HEATR4: variants seen among roughly 807,000 people sequenced by gnomAD.
HEATR4 encodes HEAT repeat containing 4, also known as HEAT repeat-containing protein 4.
HEATR4 carries 95 observed loss-of-function variants against 108.8 expected under a neutral mutation model. That is an observed-to-expected ratio of 0.87 (90% CI 0.74 to 1.04). HEATR4 has a LOEUF of 1.04. Among genes scored for constraint, HEATR4 ranks in the 50% least tolerant of loss-of-function variants. The pLI is 0.00. For synonymous variants in HEATR4, 443 were observed against 459.4 expected, an observed-to-expected ratio of 0.96 and a Z score of 0.46; for missense variants, 1,152 against 1,253.8, an observed-to-expected ratio of 0.92 and a Z score of 1.23.
the HEATR4 span, chr14:73,595,729 T>G: frequency 8.3e-6 from 12 of 1,449,228 alleles, no homozygotes; most frequent in Non-Finnish European, 1.1e-5. Flanking sequence ...GAATCAGATG[T>G]CTCCTGGATA....
the HEATR4 span, among the ~76,000 whole-genome samples, chr14:73,583,915 G>A: frequency 4.6e-5 from 7 of 151,860 alleles, no homozygotes; most frequent in South Asian, 4.2e-4. Context: ...CAGGAGAATC[G>A]CTCGAACCCC....
At chr14:73,485,888 A>G (rs1356281497) in intron 17 of HEATR4, among the ~76,000 whole-genome samples, 1 of 150,016 alleles carries the variant, frequency 6.7e-6, no homozygotes, top group African/African-American at 2.4e-5. Context: ...AAAAATGCTG[A>G]TTTTTCATAG....
intron 11 of HEATR4, among the ~76,000 whole-genome samples, chr14:73,502,292 A>G (rs1022252192): frequency 2.0e-5 from 3 of 151,784 alleles, no homozygotes; most frequent in Non-Finnish European, 4.4e-5. Context: ...GGTATATGCC[A>G]TTTGTTCTAG....
At position 73,547,009 on chromosome 14, in the gene HEATR4, C is replaced by G. The variant is rs1226011606; in HGVS notation, c.-152+11742G>C. 3.8e-5 allele frequency among the ~76,000 whole-genome samples: 4 copies of G among 104,988 alleles called. 2 individuals carry two copies. Among genetic ancestry groups the G allele is most frequent in the Admixed American group, 2.4e-4 (2 of 8,488 alleles). 68.9% of individuals were successfully genotyped at this position (104,988 alleles called of 152,430 possible). A position where few individuals can be genotyped will look rare whatever the true frequency, so the allele number is the denominator to read the frequency against. ...GGCTGAGACAGGAGAATAGCTTGAACAAGGAGGCGGAGGTTACAGTGAGCC... is the reference window on the plus strand; with the variant it reads ...GGCTGAGACAGGAGAATAGCTTGAAGAAGGAGGCGGAGGTTACAGTGAGCC... On this transcript the variant is annotated intron_variant, in intron 1 of 17. Coordinates refer to ENST00000553558, the MANE Select transcript of HEATR4 (RefSeq NM_001220484.1).
the HEATR4 span, among the ~76,000 whole-genome samples, chr14:73,621,324 G>C: frequency 6.6e-6 from 1 of 152,242 alleles, no homozygotes; most frequent in Admixed American, 6.5e-5. Flanking sequence ...GTCATTGCCT[G>C]CCTGGAGGAA....
the HEATR4 span, chr14:73,619,441 C>T: frequency 1.9e-6 from 3 of 1,614,182 alleles, no homozygotes; most frequent in Non-Finnish European, 2.5e-6. Flanking sequence ...GTCAGGATTT[C>T]TCACTTTTAT....
intron 14 of HEATR4, 37 bp from the exon 15 acceptor site, chr14:73,496,716 CT>C: frequency 8.6e-7 from 1 of 1,165,758 alleles, no homozygotes; most frequent in East Asian, 2.3e-5. Context: ...TTATTCTACC[CT>C]GCCCTTTAAA....
the HEATR4 span, chr14:73,613,025 C>T: frequency 0.029 from 24,854 of 843,850 alleles, 451 homozygotes; most frequent in Non-Finnish European, 0.035. Context: ...CTTCCTGCCG[C>T]CGGATGAGTA....
intron 16 of HEATR4, among the ~76,000 whole-genome samples, chr14:73,494,769 C>T (rs1210463916): frequency 6.6e-6 from 1 of 151,960 alleles, no homozygotes; most frequent in East Asian, 1.9e-4. Flanking sequence ...CTATGTTGCC[C>T]AGACTGGTTT....
chr14:73,579,769 A>G, the HEATR4 span, among the ~76,000 whole-genome samples: 9 of 151,856 alleles, frequency 5.9e-5, no homozygotes, highest in African/African-American at 1.9e-4. Context: ...CCCACGTCCA[A>G]TGGGCATGGT....
intron 1 of HEATR4, among the ~76,000 whole-genome samples, chr14:73,550,266 C>G (rs1177107063): frequency 8.8e-6 from 1 of 113,154 alleles, no homozygotes; most frequent in African/African-American, 2.9e-5. Context: ...CGGGATGCAG[C>G]GACCATGGCA....
rs1454089545 is a variant in HEATR4 at position 73,509,299 on chromosome 14, G to A, written c.1720+13C>T. The A allele has an allele frequency of 6.2e-7, 1 of 1,612,152 alleles. No individual in the cohort carries two copies. The highest frequency in any genetic ancestry group is 2.2e-5 in the East Asian group (1 of 44,862). On this transcript the variant is annotated intron_variant, in intron 8 of 17. Transcript: ENST00000553558. ...CCATATTTCCAGGTCAGAAGTAACA[G>A]GGAGTTACTCACCCTTCAGAAGGGC...
At position 73,549,248 on chromosome 14, in the gene HEATR4, A is replaced by G. The variant is rs1356933527; in HGVS notation, c.-152+9503T>C. On this transcript the variant is annotated intron_variant, in intron 1 of 17. Coordinates refer to ENST00000553558, the MANE Select transcript of HEATR4 (RefSeq NM_001220484.1). The stretch of plus-strand genomic sequence containing the variant: ...CACCCTCATGACAGTCACTTCCCAA[A>G]TGCCTCGTGATGTGTGTGTGTGTCT... 1.8e-5 allele frequency among the ~76,000 whole-genome samples: 2 copies of G among 111,894 alleles called. 1 individual carries two copies. Among genetic ancestry groups the G allele is most frequent in the East Asian group, 1.5e-3 (2 of 1,348 alleles). 73.4% of individuals were successfully genotyped at this position (111,894 alleles called of 152,430 possible).
the HEATR4 span, among the ~76,000 whole-genome samples, chr14:73,609,100 G>T: frequency 1.3e-5 from 2 of 152,162 alleles, no homozygotes; most frequent in African/African-American, 4.8e-5. Flanking sequence ...ACCATATCAG[G>T]TGTAATGCTA....
the HEATR4 span, among the ~76,000 whole-genome samples, chr14:73,626,635 C>T: frequency 6.6e-6 from 1 of 151,568 alleles, no homozygotes; most frequent in Admixed American, 6.6e-5. Flanking sequence ...CAAAACCAGC[C>T]TGGGCAACAT....
chr14:73,540,775 G>A (rs181276411), intron 1 of HEATR4, among the ~76,000 whole-genome samples: 1 of 101,044 alleles, frequency 9.9e-6, no homozygotes, highest in South Asian at 3.0e-4. Context: ...ACAGTGTCTC[G>A]CTCTTTCGCC....
intron 17 of HEATR4, chr14:73,491,387 C>A: frequency 1.5e-6 from 2 of 1,352,106 alleles, no homozygotes; most frequent in South Asian, 1.9e-5. Flanking sequence ...GCGCCTGGTG[C>A]CCGCTTCCGC....
At chr14:73,596,517 A>G in the HEATR4 span, 1 of 152,032 alleles carries the variant, frequency 6.6e-6, no homozygotes, top group East Asian at 1.9e-4. Context: ...AAAAGAATAG[A>G]ACTTGGAAAA....
At chr14:73,632,470 A>G in the HEATR4 span, among the ~76,000 whole-genome samples, 1 of 152,158 alleles carries the variant, frequency 6.6e-6, no homozygotes, top group Admixed American at 6.6e-5. Context: ...TACAAAATAC[A>G]ATATTCATAT....
Sources: allele counts gnomAD v4.1 joint callset (sites outside exome capture counted in the v4.1 genomes callset), GRCh38; gene constraint gnomAD v4.1.1; transcripts MANE v1.5; gene names NCBI Gene and HGNC (gene_info 2026-07-23, HGNC 2026-07-21).